Variants in GPRIN1 observed in about 807,000 individuals in gnomAD.
GPRIN1 encodes the protein G protein regulated inducer of neurite outgrowth 1, also known as G protein-regulated inducer of neurite outgrowth 1.
Under a neutral mutation model 2.8 loss-of-function variants are expected in GPRIN1, and 4 were observed. The ratio of observed to expected loss-of-function variants is 1.45; its 90% CI spans 0.71 to 3.32. The LOEUF is 3.32. GPRIN1 is among the 30% of genes most tolerant of loss of function. The pLI, the probability that GPRIN1 is intolerant of heterozygous loss-of-function variation, is 0.01. For missense variants in GPRIN1, 1,322 were observed against 1,343.4 expected, an observed-to-expected ratio of 0.98 and a Z score of 0.25; for synonymous variants, 589 against 589.9, an observed-to-expected ratio of 1.00 and a Z score of 0.02.
rs772433740 is a variant in GPRIN1 at position 176,597,754 on chromosome 5, G to C, written c.2081C>G (p.Ala694Gly). The change falls in exon 2 of 2, where the codon GCC becomes GGC. Residue 694 changes from alanine to glycine, a missense_variant. By Grantham distance (60) the Ala-to-Gly change is moderately conservative. Coordinates refer to ENST00000303991, the MANE Select transcript of GPRIN1 (RefSeq NM_052899.3). The surrounding 1 kb of genome is among the most constrained non-coding windows in gnomAD (Gnocchi z 6.1). ...CGTTTTTCTGGAAGGTGCAGAGTCG[G>C]CTTTCCCCAGGGACACAGGCTCTCC... ...GKGEPVSLGK[A>G]DSAPSRKTES... 3 of 1,604,016 alleles carry C rather than the reference G, an allele frequency of 1.9e-6. No individual in the cohort carries two copies. Among genetic ancestry groups the C allele is most frequent in the Non-Finnish European group, 2.6e-6 (3 of 1,175,182 alleles).
intron 1 of GPRIN1, among the ~76,000 whole-genome samples, chr5:176,609,764 C>T: frequency 6.6e-6 from 1 of 151,106 alleles, no homozygotes; most frequent in South Asian, 2.1e-4. Flanking sequence ...CCCAGGGCTG[C>T]GGGACCCGCC....
chr5:176,597,255 C>T lies in GPRIN1; in HGVS notation c.2580G>A (p.Gln860=). Reference sequence around the variant, plus strand: ...GCGTCTCGGCGGCGCCCAGCGACACCTGCAGGCCCGCATCTCGGCGCGAGG... The same window carrying T: ...GCGTCTCGGCGGCGCCCAGCGACACTTGCAGGCCCGCATCTCGGCGCGAGG... ...SPPSRRDAGL[Q]VSLGAAETRS... The change falls in exon 2 of 2, where the codon CAG becomes CAA. Residue 860 remains glutamine (Q), a synonymous_variant. Transcript: ENST00000303991. This position sits in a 1 kb window ranked among gnomAD's most constrained non-coding sequence, Gnocchi z 6.1. 8.0e-7 allele frequency: 1 copy of T among 1,248,344 alleles called. No homozygotes were observed. The highest frequency in any genetic ancestry group is 1.0e-6 in the Non-Finnish European group (1 of 998,944). The allele number at this position is 1,248,344 out of a possible 1,614,324, so 77.3% of individuals were successfully genotyped here.
intron 1 of GPRIN1, among the ~76,000 whole-genome samples, chr5:176,607,686 G>C (rs1412382282): frequency 6.6e-6 from 1 of 151,898 alleles, no homozygotes; most frequent in African/African-American, 2.4e-5. Flanking sequence ...AATCTCATGA[G>C]GGGGGCATTA....
chr5:176,598,944 T>C lies in GPRIN1; in HGVS notation c.891A>G (p.Ala297=). ...GKRDPGPSGK[A]DPMPLESMDS... ...CCATGCTTTCCAAGGGCATGGGATC[T>C]GCCTTTCCCGAGGGCCCAGGATCTC... The change falls in exon 2 of 2, where the codon GCA becomes GCG. Residue 297 remains alanine, a synonymous_variant. Transcript: ENST00000303991. The C allele has an allele frequency of 1.2e-6, 2 of 1,614,086 alleles. No individual in the cohort carries two copies. The highest frequency in any genetic ancestry group is 1.1e-5 in the South Asian group (1 of 91,080).
intron 1 of GPRIN1, among the ~76,000 whole-genome samples, chr5:176,609,552 T>C (rs1424164274): frequency 7.2e-5 from 11 of 152,088 alleles, no homozygotes; most frequent in African/African-American, 1.9e-4. Flanking sequence ...GTGTGCTCAG[T>C]AGTGCGAGTG....
rs367621405 is a variant in GPRIN1, at chr5:176,599,276, G to A, written c.559C>T (p.Pro187Ser). ...GGATCCCCCTTTCCCAAGATTTCAG[G>A]CTCTGCCTTTCCTGTAAACATGGGA... ...ADPMFTGKAE[P>S]EILGKGDPVA... The change falls in exon 2 of 2, where the codon CCT becomes TCT. Residue 187 changes from proline to serine, a missense_variant. Pro to Ser is a moderately conservative substitution (Grantham distance 74). Around this residue, in one of 3 missense-constraint regions of GPRIN1, gnomAD observed 1,117 missense variants for 1,128.6 expected, o/e 0.99. Coordinates refer to ENST00000303991, the MANE Select transcript of GPRIN1 (RefSeq NM_052899.3). The A allele has an allele frequency of 3.7e-6, 6 of 1,613,880 alleles. No homozygotes were observed. Among genetic ancestry groups the A allele is most frequent in the African/African-American group, 1.3e-5 (1 of 74,902 alleles).
Position 176,596,737 on chromosome 5 carries a change from C to T in GPRIN1, c.*71G>A. On this transcript the variant is annotated 3_prime_UTR_variant, in exon 2 of 2. Transcript: ENST00000303991. This position sits in a 1 kb window ranked among gnomAD's most constrained non-coding sequence, Gnocchi z 5.2. ...GGCCTGTGGCACGCAGAGGGGACCC[C>T]TTCTAGGGGCCTGTGATCAAGAAGG... 2 of 1,305,872 alleles carry T rather than the reference C, an allele frequency of 1.5e-6. No homozygotes were observed. Among genetic ancestry groups the T allele is most frequent in the Non-Finnish European group, 2.0e-6 (2 of 1,015,064 alleles). The allele number at this position is 1,305,872 out of a possible 1,614,324, so 80.9% of individuals were successfully genotyped here. A position where few individuals can be genotyped will look rare whatever the true frequency, so the allele number is the denominator to read the frequency against.
chr5:176,596,926 G>A lies in GPRIN1; in HGVS notation c.2909C>T (p.Ser970Leu), dbSNP rs1284534566. The change falls in exon 2 of 2, where the codon TCG (serine) becomes TTG (leucine). Residue 970 changes from serine (S) to leucine (L), a missense_variant. Around this residue, in one of 3 missense-constraint regions of GPRIN1, gnomAD observed 196 missense variants for 189.2 expected, o/e 1.04. Coordinates refer to ENST00000303991, the MANE Select transcript of GPRIN1 (RefSeq NM_052899.3). This position sits in a 1 kb window ranked among gnomAD's most constrained non-coding sequence, Gnocchi z 5.2. ...AARAGPGRSG[S>L]VRTAPPDGAA... The stretch of plus-strand genomic sequence containing the variant: ...GCCATCTGGGGGCGCGGTGCGCACC[G>A]AGCCCGAACGGCCGGGGCCGGCACG... The A allele has an allele frequency of 7.4e-6, 9 of 1,218,592 alleles. No individual in the cohort carries two copies. In the African/African-American group the frequency reaches 7.9e-5, roughly 11 times the overall value. The allele number at this position is 1,218,592 out of a possible 1,614,324, so 75.5% of individuals were successfully genotyped here.
rs1363618150 is a variant in GPRIN1, at chr5:176,599,307, C to A, written c.528G>T (p.Lys176Asn). ...CCTTTCCTGTAAACATGGGATCTGC[C>A]TTCCGTGAGGACCCAGGATCCTCCT... ...IGKEDPGSSR[K>N]ADPMFTGKAE... The change falls in exon 2 of 2, where the codon AAG (lysine) becomes AAT (asparagine). Residue 176 changes from lysine (K) to asparagine (N), a missense_variant. Lys to Asn is a moderately conservative substitution (Grantham distance 94, BLOSUM62 0). Transcript: ENST00000303991. 1 of 1,614,166 alleles carries A rather than the reference C, an allele frequency of 6.2e-7. No individual in the cohort carries two copies. The highest frequency in any genetic ancestry group is 2.2e-5 in the East Asian group (1 of 44,874).
In GPRIN1 at chr5:176,599,425, G is replaced by C. The variant is rs1561887201; in HGVS notation, c.410C>G (p.Thr137Ser). ...GKPEPVSSVK[T>S]EPKSSDDRNP... The stretch of plus-strand genomic sequence containing the variant: ...TCTGTCATCTGAGGATTTGGGCTCA[G>C]TTTTCACGGAGGACACAGGCTCTGG... The change falls in exon 2 of 2, where the codon ACT becomes AGT. Residue 137 changes from threonine to serine, a missense_variant. This residue lies in a region of GPRIN1 where 1,117 missense variants were observed against 1,128.6 expected (regional missense o/e 0.99). Coordinates refer to ENST00000303991, the MANE Select transcript of GPRIN1 (RefSeq NM_052899.3). 6.2e-7 allele frequency: 1 copy of C among 1,614,248 alleles called. No individual in the cohort carries two copies. Among genetic ancestry groups the C allele is most frequent in the African/African-American group, 1.3e-5 (1 of 75,068 alleles).
rs1759031339 is a variant in GPRIN1, at chr5:176,596,236, A to G, written c.*572T>C. On this transcript the variant is annotated 3_prime_UTR_variant, in exon 2 of 2. Transcript: ENST00000303991. This position sits in a 1 kb window ranked among gnomAD's most constrained non-coding sequence, Gnocchi z 5.2. The stretch of plus-strand genomic sequence containing the variant: ...GATAGGAACTGGGGAAGGACCACCA[A>G]CAGCATGCAAGAGACGCCCCGGCCA... 1 of 152,354 alleles carries G rather than the reference A, an allele frequency of 6.6e-6. No individual in the cohort carries two copies. The highest frequency in any genetic ancestry group is 1.5e-5 in the Non-Finnish European group (1 of 68,212). The allele number at this position is 152,354 out of a possible 1,614,324, so 9.4% of individuals were successfully genotyped here.
Position 176,596,838 on chromosome 5 carries a change from G to C in GPRIN1, c.2997C>G (p.Cys999Trp). ...CGGCCGTGGGTCCCGCCCGCGAGCA[G>C]CACCGCGGCCGGCGCACACTCTGCA... is the stretch of plus-strand genomic sequence containing the variant. ...ALLQSVRRPRCCSRAGPTAE is the reference protein window; with the variant it reads ...ALLQSVRRPRWCSRAGPTAE Residue 999 changes from cysteine (C) to tryptophan (W), a missense_variant, in exon 2 of 2, where the codon TGC becomes TGG. By Grantham distance (215) the Cys-to-Trp change is radical (BLOSUM62 -2). Transcript: ENST00000303991. The surrounding 1 kb of genome is among the most constrained non-coding windows in gnomAD (Gnocchi z 5.2). The C allele has an allele frequency of 7.1e-7, 1 of 1,409,146 alleles. No homozygotes were observed. The highest frequency in any genetic ancestry group is 9.3e-7 in the Non-Finnish European group (1 of 1,078,478). 87.3% of individuals were successfully genotyped at this position (1,409,146 alleles called of 1,614,324 possible). A position where few individuals can be genotyped will look rare whatever the true frequency, so the allele number is the denominator to read the frequency against.
Position 176,597,791 on chromosome 5 carries a change from C to G in GPRIN1, c.2044G>C (p.Ala682Pro). The change falls in exon 2 of 2, where the codon GCC becomes CCC. Residue 682 changes from alanine to proline, a missense_variant. Ala to Pro is a conservative substitution (Grantham distance 27). Coordinates refer to ENST00000303991, the MANE Select transcript of GPRIN1 (RefSeq NM_052899.3). This position sits in a 1 kb window ranked among gnomAD's most constrained non-coding sequence, Gnocchi z 6.1. ...GACACAGGCTCTCCCTTCCCTGAGG[C>G]AAGGGGCTCTGCTTTTCTGCAGGAT... Reference protein sequence around the residue: ...PGSCRKAEPLASGKGEPVSLG... With the variant: ...PGSCRKAEPLPSGKGEPVSLG... 1.2e-6 allele frequency: 2 copies of G among 1,604,762 alleles called. No homozygotes were observed. The highest frequency in any genetic ancestry group is 1.7e-6 in the Non-Finnish European group (2 of 1,175,312).
intron 1 of GPRIN1, among the ~76,000 whole-genome samples, chr5:176,607,308 C>G (rs1316163054): frequency 6.6e-6 from 1 of 152,198 alleles, no homozygotes; most frequent in South Asian, 2.1e-4. Flanking sequence ...AACTACCCCA[C>G]TAGAACCCAG....
rs115870095 is a variant in GPRIN1, at chr5:176,596,325, A to G, written c.*483T>C. ...TACCTCACGTGCTGCCCGAGACCTC[A>G]CATTCAGAGACGTGCCCACTCGCGG... On this transcript the variant is annotated 3_prime_UTR_variant, in exon 2 of 2. Coordinates refer to ENST00000303991, the MANE Select transcript of GPRIN1 (RefSeq NM_052899.3). This position sits in a 1 kb window ranked among gnomAD's most constrained non-coding sequence, Gnocchi z 5.2. 0.011 allele frequency: 1,745 copies of G among 152,510 alleles called. 28 individuals are homozygous for G. Among genetic ancestry groups the G allele is most frequent in the African/African-American group, 0.039 (1,624 of 41,558 alleles). The allele number at this position is 152,510 out of a possible 1,614,324, so 9.4% of individuals were successfully genotyped here.
intron 1 of GPRIN1, among the ~76,000 whole-genome samples, chr5:176,604,980 A>G (rs759336846): frequency 6.6e-6 from 1 of 151,954 alleles, no homozygotes; most frequent in Non-Finnish European, 1.5e-5. Context: ...TGATTTGCCT[A>G]CCTTGGCCTC....
At position 176,597,149 on chromosome 5, in the gene GPRIN1, C is replaced by T. The variant is rs770595057; in HGVS notation, c.2686G>A (p.Ala896Thr). Residue 896 changes from alanine (A) to threonine (T), a missense_variant, in exon 2 of 2, where the codon GCG becomes ACG. This residue lies in a region of GPRIN1 where 196 missense variants were observed against 189.2 expected (regional missense o/e 1.04). Coordinates refer to ENST00000303991, the MANE Select transcript of GPRIN1 (RefSeq NM_052899.3). The surrounding 1 kb of genome is among the most constrained non-coding windows in gnomAD (Gnocchi z 6.1). ...GGGGGCGCTACAGCGGCCGCCAGCG[C>T]TGAGCCGGGCCGCACCCGCACTTCG... ...FPEVRVRPGSALAAAVAPPEP... is the reference protein window; with the variant it reads ...FPEVRVRPGSTLAAAVAPPEP... The T allele has an allele frequency of 8.4e-6, 12 of 1,424,074 alleles. No homozygotes were observed. The highest frequency in any genetic ancestry group is 2.8e-5 in the East Asian group (1 of 36,246). 88.2% of individuals were successfully genotyped at this position (1,424,074 alleles called of 1,614,324 possible). A position where few individuals can be genotyped will look rare whatever the true frequency, so the allele number is the denominator to read the frequency against.
intron 1 of GPRIN1, among the ~76,000 whole-genome samples, chr5:176,605,295 G>A (rs1317568836): frequency 6.6e-6 from 1 of 151,698 alleles, no homozygotes; most frequent in East Asian, 2.0e-4. Flanking sequence ...GAGTTTCACC[G>A]TGTTGGCCAG....
rs752798153 is a variant in GPRIN1, at chr5:176,599,676, G to T, written c.159C>A (p.Ser53Arg). Residue 53 changes from serine (S) to arginine (R), a missense_variant, in exon 2 of 2, where the codon AGC becomes AGA. Around this residue, in one of 3 missense-constraint regions of GPRIN1, gnomAD observed 1,117 missense variants for 1,128.6 expected, o/e 0.99. Coordinates refer to ENST00000303991, the MANE Select transcript of GPRIN1 (RefSeq NM_052899.3). Reference protein sequence around the residue: ...RDYCPSQQKASPAPPRHTPDQ... With the variant: ...RDYCPSQQKARPAPPRHTPDQ... ...CAGGGGTGTGCCTGGGGGGTGCAGGGCTTGCCTTTTGCTGGGAGGGGCAGT... is the reference window on the plus strand; with the variant it reads ...CAGGGGTGTGCCTGGGGGGTGCAGGTCTTGCCTTTTGCTGGGAGGGGCAGT... 6.4e-7 allele frequency: 1 copy of T among 1,569,048 alleles called. No individual in the cohort carries two copies. Among genetic ancestry groups the T allele is most frequent in the East Asian group, 2.3e-5 (1 of 44,358 alleles).
Sources: gnomAD v4.1 joint callset for allele counts (sites outside exome capture counted in the v4.1 genomes callset) on GRCh38, gnomAD v4.1.1 for gene constraint, gnomAD v4.1.1 regional missense constraint, Gnocchi (gnomAD v3.1) non-coding constraint, MANE v1.5 for transcripts, NCBI Gene and HGNC (gene_info 2026-07-23, HGNC 2026-07-21) for gene names.